The following FKBP8 variants were observed in gnomAD, a reference collection of about 807,000 sequenced individuals.
The protein encoded by FKBP8 is peptidyl-prolyl cis-trans isomerase FKBP8.
Under a neutral mutation model 41.7 loss-of-function variants are expected in FKBP8, and 5 were observed. That is an observed-to-expected ratio of 0.12 (90% CI 0.06 to 0.25). FKBP8 has a LOEUF of 0.25. Among genes scored for constraint, FKBP8 ranks in the 10% least tolerant of loss-of-function variants. FKBP8 has a pLI of 1.00. For synonymous variants in FKBP8, 279 were observed against 254.5 expected, an observed-to-expected ratio of 1.10 and a Z score of -0.92; for missense variants, 397 against 563.0, an observed-to-expected ratio of 0.71 and a Z score of 2.98.
At position 18,537,886 on chromosome 19, in the gene FKBP8, C is replaced by T. The variant is rs545827375; in HGVS notation, c.773-113G>A. ...GCCTCAGTTTCCCCAATTTTAACCCCGGACCAAGGGCCACGCTTTCCTGGG... is the reference window on the plus strand; with the variant it reads ...GCCTCAGTTTCCCCAATTTTAACCCTGGACCAAGGGCCACGCTTTCCTGGG... On this transcript the variant is annotated intron_variant, in intron 5 of 8. Transcript: ENST00000608443. The surrounding 1 kb of genome is among the most constrained non-coding windows in gnomAD (Gnocchi z 4.4). The T allele has an allele frequency of 7.5e-6, 9 of 1,193,456 alleles. No homozygotes were observed. The highest frequency in any genetic ancestry group is 4.8e-5 in the Admixed American group (2 of 41,820). The allele number at this position is 1,193,456 out of a possible 1,614,324, so 73.9% of individuals were successfully genotyped here.
Position 18,538,071 on chromosome 19 carries a change from C to T in FKBP8, c.772+145G>A. 1 of 907,664 alleles carries T rather than the reference C, an allele frequency of 1.1e-6. No individual in the cohort carries two copies. Among genetic ancestry groups the T allele is most frequent in the Non-Finnish European group, 1.7e-6 (1 of 590,644 alleles). 56.2% of individuals were successfully genotyped at this position (907,664 alleles called of 1,614,324 possible). On this transcript the variant is annotated intron_variant, in intron 5 of 8. Transcript: ENST00000608443. The surrounding 1 kb of genome is among the most constrained non-coding windows in gnomAD (Gnocchi z 4.0). ...ATATACCACGAGTCTGTAACAGGCC[C>T]TAGCTTAGGGGCAGTTGGGGATCTA...
At chr19:18,542,077 G>A (rs1372384539) in intron 1 of FKBP8, 82 bp from the exon 2 acceptor site, 14 of 1,491,316 alleles carry the variant, frequency 9.4e-6, no homozygotes, top group Middle Eastern at 1.8e-4. Context: ...CCACACTGCC[G>A]ATCACTTTCT....
At chr19:18,542,580 C>T (rs1391308816) in intron 1 of FKBP8, 1 of 204,090 alleles carries the variant, frequency 4.9e-6, no homozygotes, top group African/African-American at 2.4e-5. Flanking sequence ...CTGTAATCAC[C>T]CAGAAACCCC....
In FKBP8 at chr19:18,541,791, T is replaced by C. The variant is rs751621562; in HGVS notation, c.180A>G (p.Gln60=). 4.3e-6 allele frequency: 7 copies of C among 1,613,688 alleles called. No individual in the cohort carries two copies. In the South Asian group the frequency reaches 4.4e-5, roughly 10 times the overall value. Residue 60 remains glutamine, a synonymous_variant, in exon 2 of 9, where the codon CAA becomes CAG. Coordinates refer to ENST00000608443, the MANE Select transcript of FKBP8 (RefSeq NM_012181.5). ...GCTGCTCAGCCTCCTCCGCCGGGGGTTGTCCCATGTCCTCCAGCGGTGGCA... is the reference window on the plus strand; with the variant it reads ...GCTGCTCAGCCTCCTCCGCCGGGGGCTGTCCCATGTCCTCCAGCGGTGGCA... ...SELPPLEDMG[Q]PPAEEAEQPG...
rs1976633561 is a variant in FKBP8 at position 18,538,612 on chromosome 19, G to A, written c.552-176C>T. On this transcript the variant is annotated intron_variant, in intron 4 of 8. Transcript: ENST00000608443. This position sits in a 1 kb window ranked among gnomAD's most constrained non-coding sequence, Gnocchi z 4.0. ...GTGACTTGCCGCCTTGGAGCTGCGG[G>A]ACTTGACGAACGAGTTCCCCTCCCT... Among the ~76,000 whole-genome samples, 1 of 152,112 alleles carries A rather than the reference G, an allele frequency of 6.6e-6. No homozygotes were observed. The highest frequency in any genetic ancestry group is 1.5e-5 in the Non-Finnish European group (1 of 68,026).
chr19:18,535,565 A>T (rs1474881239), intron 6 of FKBP8, among the ~76,000 whole-genome samples: 6 of 151,866 alleles, frequency 4.0e-5, no homozygotes, highest in Non-Finnish European at 7.4e-5. Flanking sequence ...TGAGGTCAGG[A>T]GTTCAAGACC....
rs74805291 is a variant in FKBP8 at position 18,537,785 on chromosome 19, C to T, written c.773-12G>A. 1 of 1,593,966 alleles carries T rather than the reference C, an allele frequency of 6.3e-7. No homozygotes were observed. Among genetic ancestry groups the T allele is most frequent in the Admixed American group, 1.7e-5 (1 of 59,118 alleles). On this transcript the variant is annotated splice_polypyrimidine_tract_variant and intron_variant, in intron 5 of 8. Transcript: ENST00000608443. The surrounding 1 kb of genome is among the most constrained non-coding windows in gnomAD (Gnocchi z 4.4). Reference sequence around the variant, plus strand: ...GAACGTCATGTCCACTATTGGGAGACAGTGCCCGCCACGGCAGCCGTCACC... The same window carrying T: ...GAACGTCATGTCCACTATTGGGAGATAGTGCCCGCCACGGCAGCCGTCACC...
chr19:18,534,536 T>C lies in FKBP8; in HGVS notation c.946-1189A>G, dbSNP rs540758174. Among the ~76,000 whole-genome samples, 4 of 151,286 alleles carry C rather than the reference T, an allele frequency of 2.6e-5. No homozygotes were observed. In the East Asian group the frequency reaches 7.8e-4, roughly 29 times the overall value. Reference sequence around the variant, plus strand: ...CCTCGCTGCCTCCTCCCTCACCACCTCCACTGGCGAGAGGCCGAATGGATG... The same window carrying C: ...CCTCGCTGCCTCCTCCCTCACCACCCCCACTGGCGAGAGGCCGAATGGATG... On this transcript the variant is annotated intron_variant, in intron 6 of 8. Transcript: ENST00000608443.
chr19:18,537,014 G>A lies in FKBP8; in HGVS notation c.945+587C>T, dbSNP rs1373788838. 6.6e-6 allele frequency among the ~76,000 whole-genome samples: 1 copy of A among 152,130 alleles called. No individual in the cohort carries two copies. Among genetic ancestry groups the A allele is most frequent in the Non-Finnish European group, 1.5e-5 (1 of 68,020 alleles). ...TCCACTTTACTCTGAGGAAAACTGG[G>A]ACCCATGGAGGTTCTATGGGAGGAG... is the stretch of plus-strand genomic sequence containing the variant. On this transcript the variant is annotated intron_variant, in intron 6 of 8. Coordinates refer to ENST00000608443, the MANE Select transcript of FKBP8 (RefSeq NM_012181.5). This position sits in a 1 kb window ranked among gnomAD's most constrained non-coding sequence, Gnocchi z 4.4.
intron 4 of FKBP8, 55 bp downstream of exon 4, chr19:18,539,316 C>T: frequency 6.7e-7 from 1 of 1,488,788 alleles, no homozygotes; most frequent in Non-Finnish European, 9.2e-7. Flanking sequence ...GGTACACCCA[C>T]TCCACCCATC....
chr19:18,536,639 G>A (rs909446805), intron 6 of FKBP8, among the ~76,000 whole-genome samples: 2 of 152,198 alleles, frequency 1.3e-5, no homozygotes, highest in Non-Finnish European at 2.9e-5. Context: ...TGGGATTACA[G>A]GAATGAGCCA....
At chr19:18,533,056 G>A in intron 7 of FKBP8, 1 of 683,652 alleles carries the variant, frequency 1.5e-6, no homozygotes, top group Non-Finnish European at 2.4e-6. Context: ...GAGCAGGCTG[G>A]CAGTGCCCTC....
chr19:18,538,036 C>G lies in FKBP8; in HGVS notation c.772+180G>C. ...TCCACTTGCATTCTACAACACTCCA[C>G]TGGTCTGGGATATACCACGAGTCTG... On this transcript the variant is annotated intron_variant, in intron 5 of 8. Transcript: ENST00000608443. The surrounding 1 kb of genome is among the most constrained non-coding windows in gnomAD (Gnocchi z 4.0). 1 of 729,534 alleles carries G rather than the reference C, an allele frequency of 1.4e-6. No individual in the cohort carries two copies. Among genetic ancestry groups the G allele is most frequent in the Non-Finnish European group, 2.2e-6 (1 of 446,470 alleles). 45.2% of individuals were successfully genotyped at this position (729,534 alleles called of 1,614,324 possible).
intron 6 of FKBP8, among the ~76,000 whole-genome samples, chr19:18,534,915 G>A (rs1156420125): frequency 6.6e-6 from 1 of 151,968 alleles, no homozygotes; most frequent in African/African-American, 2.4e-5. Context: ...AGCCTCCCGA[G>A]TAACTGGGAT....
intron 7 of FKBP8, 127 bp from the exon 8 acceptor site, chr19:18,532,922 T>C: frequency 6.9e-7 from 1 of 1,444,504 alleles, no homozygotes; most frequent in Admixed American, 2.3e-5. Flanking sequence ...CATCTGCCCC[T>C]TTCTGGGCTT....
intron 6 of FKBP8, chr19:18,536,318 G>C (rs550169043): frequency 1.1e-4 from 16 of 152,268 alleles, no homozygotes; most frequent in African/African-American, 3.6e-4. Context: ...GTCTGTGCAA[G>C]CCAGATTCAC....
Position 18,532,975 on chromosome 19 carries a change from A to G in FKBP8, c.1024-180T>C, listed in dbSNP as rs1272606989. On this transcript the variant is annotated intron_variant, in intron 7 of 8. Transcript: ENST00000608443. Reference sequence around the variant, plus strand: ...TGACCCCATCCCTCCTAGGGAGCCAATTGATGGCGCAGAGCACAAGGTAGC... The same window carrying G: ...TGACCCCATCCCTCCTAGGGAGCCAGTTGATGGCGCAGAGCACAAGGTAGC... The G allele has an allele frequency of 7.9e-6, 8 of 1,019,096 alleles. No homozygotes were observed. The Admixed American group carries it at 8.7e-5, about 11-fold the overall frequency. 63.1% of individuals were successfully genotyped at this position (1,019,096 alleles called of 1,614,324 possible). A position where few individuals can be genotyped will look rare whatever the true frequency, so the allele number is the denominator to read the frequency against.
In FKBP8 at chr19:18,538,676, C is replaced by T. The variant is rs1025281893; in HGVS notation, c.552-240G>A. Among the ~76,000 whole-genome samples the T allele has an allele frequency of 1.3e-5, 2 of 152,158 alleles. No individual in the cohort carries two copies. Among genetic ancestry groups the T allele is most frequent in the African/African-American group, 4.8e-5 (2 of 41,438 alleles). On this transcript the variant is annotated intron_variant, in intron 4 of 8. Coordinates refer to ENST00000608443, the MANE Select transcript of FKBP8 (RefSeq NM_012181.5). The surrounding 1 kb of genome is among the most constrained non-coding windows in gnomAD (Gnocchi z 4.0). ...CCTCCTTTTTATTAAGAGACAGGTT[C>T]TCACTCTGTTGCCCGGGCTGGAGTG...
At chr19:18,532,402 G>C in intron 8 of FKBP8, 147 bp from the exon 9 acceptor site, 1 of 952,864 alleles carries the variant, frequency 1.0e-6, no homozygotes, top group Admixed American at 2.2e-5. Context: ...TCCTACTCAT[G>C]CAGCAAAACC....
Sources: allele counts gnomAD v4.1 joint callset (sites outside exome capture counted in the v4.1 genomes callset), GRCh38; gene constraint gnomAD v4.1.1; non-coding constraint Gnocchi (gnomAD v3.1); transcripts MANE v1.5; gene names NCBI Gene and HGNC (gene_info 2026-07-23, HGNC 2026-07-21).